STK11IP: variants seen among roughly 807,000 people sequenced by gnomAD.
STK11IP encodes serine/threonine kinase 11 interacting protein, also known as serine/threonine-protein kinase 11-interacting protein.
A neutral mutation model predicts 131.7 loss-of-function variants in STK11IP; 103 were observed. The ratio of observed to expected loss-of-function variants is 0.78; its 90% CI spans 0.67 to 0.92. STK11IP has a LOEUF of 0.92. STK11IP is among the 40% of genes least tolerant of loss of function. The probability of loss-of-function intolerance (pLI) is 0.00; values close to 1 mark genes in which losing one functional copy is unlikely to be tolerated. For missense variants in STK11IP, 1,315 were observed against 1,385.7 expected, an observed-to-expected ratio of 0.95 and a Z score of 0.81; for synonymous variants, 557 against 575.6, an observed-to-expected ratio of 0.97 and a Z score of 0.46.
In STK11IP at chr2:219,608,728, G is replaced by C. The variant is rs1308862675; in HGVS notation, c.1749G>C (p.Gln583His). 1 of 1,612,758 alleles carries C rather than the reference G, an allele frequency of 6.2e-7. No individual in the cohort carries two copies. The highest frequency in any genetic ancestry group is 1.7e-5 in the Admixed American group (1 of 59,896). The change falls in exon 15 of 25, where the codon CAG (glutamine) becomes CAC (histidine). Residue 583 changes from glutamine to histidine, a missense_variant. Physicochemically the swap from Gln to His is conservative, Grantham distance 24. Coordinates refer to ENST00000456909, the MANE Select transcript of STK11IP (RefSeq NM_052902.4). ...GCACCTTGGAGCGACTGGAGCTCCA[G>C]AGTCTGGAGGCAGCTGAGATAGAGC... ...AARTLERLELQSLEAAEIEPE... is the reference protein window; with the variant it reads ...AARTLERLELHSLEAAEIEPE...
At chr2:219,614,274 C>G in intron 22 of STK11IP, 32 bp downstream of exon 22, 1 of 1,609,468 alleles carries the variant, frequency 6.2e-7, no homozygotes, top group Non-Finnish European at 8.5e-7. Context: ...GCTGGGGTTG[C>G]TGCCCAATCC....
intron 15 of STK11IP, 53 bp downstream of exon 15, chr2:219,608,841 G>C (rs889081314): frequency 5.3e-6 from 8 of 1,506,978 alleles, no homozygotes; most frequent in Non-Finnish European, 2.7e-6. Context: ...GAACATGGCT[G>C]TTGTGTGCCC....
chr2:219,606,082 G>C (rs1204228723), intron 9 of STK11IP, 23 bp downstream of exon 9: 1 of 1,575,898 alleles, frequency 6.3e-7, no homozygotes, highest in Non-Finnish European at 8.6e-7. Flanking sequence ...TGCATCAGGG[G>C]CCTGGGAACC....
chr2:219,606,157 C>A, intron 9 of STK11IP, 38 bp from the exon 10 acceptor site: 1 of 1,533,294 alleles, frequency 6.5e-7, no homozygotes, highest in South Asian at 1.2e-5. Context: ...AGGGCCAGGG[C>A]CCCAGGCCCT....
intron 2 of STK11IP, among the ~76,000 whole-genome samples, chr2:219,599,814 A>T (rs576837243): frequency 4.0e-5 from 6 of 151,068 alleles, no homozygotes; most frequent in Admixed American, 1.3e-4. Flanking sequence ...GCTCACTGCA[A>T]CCCCTGCCTC....
In STK11IP at chr2:219,609,574, C is replaced by T. The variant is rs376411210; in HGVS notation, c.2104+34C>T. On this transcript the variant is annotated intron_variant, in intron 17 of 24. Coordinates refer to ENST00000456909, the MANE Select transcript of STK11IP (RefSeq NM_052902.4). ...CCTGCCCTTGACCTCTCTGCCCACA[C>T]GCCTCCCCTGTTCCAGGGAAAGTGG... 146 of 1,551,072 alleles carry T rather than the reference C, an allele frequency of 9.4e-5. 4 individuals are homozygous for T. The highest frequency in any genetic ancestry group is 5.3e-4 in the African/African-American group (39 of 73,208).
At chr2:219,600,161 C>T (rs1451271469) in intron 2 of STK11IP, among the ~76,000 whole-genome samples, 1 of 148,254 alleles carries the variant, frequency 6.7e-6, no homozygotes, top group Non-Finnish European at 1.5e-5. Context: ...CTCCTGGCTT[C>T]CAGCTGTTCT....
At chr2:219,610,079 C>G (rs1218550034) in intron 17 of STK11IP, 1 of 158,132 alleles carries the variant, frequency 6.3e-6, no homozygotes, top group Non-Finnish European at 1.4e-5. Context: ...CCAGTCAGCA[C>G]TATCTTTGAA....
intron 13 of STK11IP, 41 bp downstream of exon 13, chr2:219,607,178 G>A (rs777807024): frequency 1.8e-5 from 29 of 1,587,032 alleles, no homozygotes; most frequent in East Asian, 2.2e-5. Context: ...CGTCCCCAGC[G>A]AGCTCACTCT....
In STK11IP at chr2:219,613,849, G is replaced by C. The variant is rs1295521906; in HGVS notation, c.2635G>C (p.Glu879Gln). Reference protein sequence around the residue: ...LGLAGQSLRLEWAAGAGRCVL... With the variant: ...LGLAGQSLRLQWAAGAGRCVL... ...CCTGGCAGGCCAGAGCCTGCGGCTA[G>C]AGTGGGCAGCTGGGGCGGGCCGCTG... Residue 879 changes from glutamate to glutamine, a missense_variant, in exon 21 of 25, where the codon GAG (glutamate) becomes CAG (glutamine). Glu to Gln is a conservative substitution (Grantham distance 29). Transcript: ENST00000456909. 6.2e-7 allele frequency: 1 copy of C among 1,612,218 alleles called. No homozygotes were observed. Among genetic ancestry groups the C allele is most frequent in the Non-Finnish European group, 8.5e-7 (1 of 1,179,610 alleles).
Position 219,613,902 on chromosome 2 carries a change from T to C in STK11IP, c.2688T>C (p.His896=). Residue 896 remains histidine (H), a synonymous_variant, in exon 21 of 25, where the codon CAT becomes CAC. Coordinates refer to ENST00000456909, the MANE Select transcript of STK11IP (RefSeq NM_052902.4). ...RCVLLPRDAR[H]CRAFLEELLD... The stretch of plus-strand genomic sequence containing the variant: ...TGCTGCTGCCCCGAGATGCCAGGCA[T>C]TGCCGGGCCTTCCTAGAGGAGCTCC... 6.4e-7 allele frequency: 1 copy of C among 1,567,540 alleles called. No individual in the cohort carries two copies. Among genetic ancestry groups the C allele is most frequent in the Middle Eastern group, 1.7e-4 (1 of 5,840 alleles).
intron 24 of STK11IP, 87 bp from the exon 25 acceptor site, chr2:219,615,957 A>G: frequency 6.5e-7 from 1 of 1,538,198 alleles, no homozygotes; most frequent in Admixed American, 1.9e-5. Flanking sequence ...CAAGGTGGAG[A>G]CAGTGAGGCC....
At position 219,609,540 on chromosome 2, in the gene STK11IP, G is replaced by GGTACAAGT; in HGVS notation, c.2104+1_2104+8dup. The GGTACAAGT allele has an allele frequency of 6.4e-7, 1 of 1,560,078 alleles. No individual in the cohort carries two copies. The highest frequency in any genetic ancestry group is 8.7e-7 in the Non-Finnish European group (1 of 1,151,612). ...CTGGAGGCCTCTGTTCCAAAAGACA[G>GGTACAAGT]GTACAAGTCCTGCCCTTGACCTCTC... On this transcript the variant is annotated frameshift_variant and splice_region_variant. Transcript: ENST00000456909. LOFTEE classifies it high-confidence loss of function.
At chr2:219,614,598 C>A in intron 23 of STK11IP, 52 bp downstream of exon 23, 1 of 1,579,802 alleles carries the variant, frequency 6.3e-7, no homozygotes, top group Non-Finnish European at 8.7e-7. Context: ...CCTACCTTGT[C>A]ACAGGCACTG....
At chr2:219,615,537 G>A (rs561276802) in intron 24 of STK11IP, among the ~76,000 whole-genome samples, 196 bp downstream of exon 24, 3 of 152,128 alleles carry the variant, frequency 2.0e-5, no homozygotes, top group Non-Finnish European at 2.9e-5. Flanking sequence ...GGAGGCAGCT[G>A]TAGGCAGGGG....
At chr2:219,606,318 CT>C (rs1268371443) in intron 10 of STK11IP, 28 bp downstream of exon 10, 6 of 1,553,876 alleles carry the variant, frequency 3.9e-6, no homozygotes, top group Non-Finnish European at 4.4e-6. Context: ...GTCCACTCTT[CT>C]TCCCCTTTCC....
intron 17 of STK11IP, among the ~76,000 whole-genome samples, chr2:219,610,316 C>T (rs1209644462): frequency 2.6e-5 from 4 of 152,354 alleles, no homozygotes; most frequent in South Asian, 4.1e-4. Flanking sequence ...CCTGGCTGTA[C>T]ACCATGAGGT....
At chr2:219,609,055 C>T (rs750074189) in intron 15 of STK11IP, 42 bp from the exon 16 acceptor site, 42 of 1,437,748 alleles carry the variant, frequency 2.9e-5, no homozygotes, top group South Asian at 1.1e-4. Context: ...CTCTGATCAC[C>T]GCCCCTGCTG....
chr2:219,611,653 C>T lies in STK11IP; in HGVS notation c.2154C>T (p.Leu718=), dbSNP rs377181724. 87 of 1,613,008 alleles carry T rather than the reference C, an allele frequency of 5.4e-5. No individual in the cohort carries two copies. Among genetic ancestry groups the T allele is most frequent in the East Asian group, 2.0e-4 (9 of 44,878 alleles). The stretch of plus-strand genomic sequence containing the variant: ...GTGGTAGTGACCACGTGGTTCTCCT[C>T]GCTGTGTCTCGGGGAACCCCCAACA... The part of the protein sequence containing the change: ...PNCGSDHVVL[L]AVSRGTPNRE... The change falls in exon 18 of 25, where the codon CTC becomes CTT. Residue 718 remains leucine (L), a synonymous_variant. Transcript: ENST00000456909.
Sources: allele counts gnomAD v4.1 joint callset (sites outside exome capture counted in the v4.1 genomes callset), GRCh38; gene constraint gnomAD v4.1.1; transcripts MANE v1.5; gene names NCBI Gene and HGNC (gene_info 2026-07-23, HGNC 2026-07-21).